NKIRAS1: variants seen among roughly 807,000 people sequenced by gnomAD.
NKIRAS1 encodes the protein NFKB inhibitor interacting Ras like 1.
Under a neutral mutation model 19.8 loss-of-function variants are expected in NKIRAS1, and 16 were observed. The observed-to-expected ratio is 0.81, with a 90% confidence interval of 0.55 to 1.23. NKIRAS1 has a LOEUF of 1.23. Among genes scored for constraint, NKIRAS1 ranks in the 50% most tolerant of loss-of-function variants. The probability of loss-of-function intolerance (pLI) is 0.00; values close to 1 mark genes in which losing one functional copy is unlikely to be tolerated. For synonymous variants in NKIRAS1, 88 were observed against 79.0 expected, an observed-to-expected ratio of 1.11 and a Z score of -0.61; for missense variants, 184 against 220.0, an observed-to-expected ratio of 0.84 and a Z score of 1.04.
At chr3:23,929,374 T>C (rs571563272) in intron 1 of NKIRAS1, among the ~76,000 whole-genome samples, 24 of 152,046 alleles carry the variant, frequency 1.6e-4, no homozygotes, top group Admixed American at 6.6e-5. Context: ...AAAAAATAAA[T>C]AAATAAAATA....
intron 1 of NKIRAS1, among the ~76,000 whole-genome samples, chr3:23,931,786 T>G (rs1705322262): frequency 6.6e-6 from 1 of 152,076 alleles, no homozygotes; most frequent in Non-Finnish European, 1.5e-5. Context: ...CAAAGGGTCA[T>G]GAGACCCAAA....
At chr3:23,910,742 A>T in intron 3 of NKIRAS1, 69 bp downstream of exon 3, 1 of 1,109,076 alleles carries the variant, frequency 9.0e-7, no homozygotes, top group Non-Finnish European at 1.4e-6. Context: ...CCTTTAGTTT[A>T]GCATGACCAA....
chr3:23,921,617 C>G (rs1429432174), upstream of NKIRAS1: 11 of 534,998 alleles, frequency 2.1e-5, no homozygotes, highest in African/African-American at 1.9e-4. Flanking sequence ...CACTCTCACT[C>G]AGGTGGGAGT....
intron 3 of NKIRAS1, among the ~76,000 whole-genome samples, chr3:23,908,759 TC>T (rs1276181217): frequency 6.6e-6 from 1 of 151,944 alleles, no homozygotes; most frequent in Non-Finnish European, 1.5e-5. Flanking sequence ...AGCCTCAACC[TC>T]CCATGTGATT....
At chr3:23,918,749 C>A (rs1236182029), upstream of NKIRAS1, 2 of 765,922 alleles carry the variant, frequency 2.6e-6, no homozygotes, top group South Asian at 1.9e-5. Context: ...GTCTTTGTTA[C>A]AAATGCGTGT....
chr3:23,906,925 G>T (rs1019210358), intron 3 of NKIRAS1, among the ~76,000 whole-genome samples: 43 of 151,578 alleles, frequency 2.8e-4, no homozygotes, highest in Non-Finnish European at 8.8e-5. Flanking sequence ...ATACAGTCTC[G>T]CTCTGTTGCC....
intron 1 of NKIRAS1, among the ~76,000 whole-genome samples, chr3:23,928,619 T>A (rs2125265177): frequency 6.6e-6 from 1 of 151,114 alleles, no homozygotes; most frequent in South Asian, 2.1e-4. Flanking sequence ...GAAGTGCTTT[T>A]AGGAGAAACC....
Position 23,903,851 on chromosome 3 carries a change from T to TA in NKIRAS1, c.95-2803dup, listed in dbSNP as rs1702755981. ...GCATTTCCATATAGAAGGGGCCCTC[T>TA]AAGTGTCCAATACAGTAAATGAAAA... On this transcript the variant is annotated intron_variant, in intron 3 of 4. Coordinates refer to ENST00000425478, the MANE Select transcript of NKIRAS1 (RefSeq NM_020345.4). 2.0e-5 allele frequency among the ~76,000 whole-genome samples: 3 copies of TA among 152,064 alleles called. No individual in the cohort carries two copies. In the South Asian group the frequency reaches 6.2e-4, roughly 32 times the overall value.
chr3:23,920,794 A>C (rs1384275898), upstream of NKIRAS1: 1 of 961,790 alleles, frequency 1.0e-6, no homozygotes, highest in South Asian at 4.8e-5. Flanking sequence ...ATACATTTTA[A>C]TTGTGTAGAG....
At chr3:23,898,442 ATTT>A (rs749239072) in intron 4 of NKIRAS1, among the ~76,000 whole-genome samples, 1 of 139,670 alleles carries the variant, frequency 7.2e-6, no homozygotes. Context: ...ATATTGTATG[ATTT>A]TTTTTTTTTT....
chr3:23,925,124 A>G (rs937143076), intron 1 of NKIRAS1, among the ~76,000 whole-genome samples: 3 of 152,202 alleles, frequency 2.0e-5, no homozygotes, highest in Non-Finnish European at 4.4e-5. Flanking sequence ...AGTGCTTGGA[A>G]GGAGAGAGAG....
rs1701604654 is a variant in NKIRAS1 at position 23,893,203 on chromosome 3, C to G, written c.471G>C (p.Leu157=). The G allele has an allele frequency of 6.2e-7, 1 of 1,613,840 alleles. No individual in the cohort carries two copies. The highest frequency in any genetic ancestry group is 1.3e-5 in the African/African-American group (1 of 74,898). The change falls in exon 5 of 5, where the codon CTG becomes CTC. Residue 157 remains leucine, a synonymous_variant. Transcript: ENST00000425478. ...WEVTVTDRKT[L]IEPFTLLASK... is the part of the protein sequence containing the mutation. Reference sequence around the variant, plus strand: ...TGGCTAATAAAGTGAATGGTTCAATCAGAGTTTTCCGATCTGTAACAGTCA... The same window carrying G: ...TGGCTAATAAAGTGAATGGTTCAATGAGAGTTTTCCGATCTGTAACAGTCA...
intron 3 of NKIRAS1, among the ~76,000 whole-genome samples, chr3:23,909,898 C>T (rs543453979): frequency 8.4e-5 from 11 of 131,220 alleles, no homozygotes; most frequent in Non-Finnish European, 1.6e-4. Context: ...CTCGCTCTGT[C>T]GCCAGGCTGG....
upstream of NKIRAS1, chr3:23,920,301 A>G (rs913822613): frequency 4.1e-6 from 4 of 985,684 alleles, no homozygotes; most frequent in Admixed American, 1.8e-4. Context: ...CGTCATTCTT[A>G]GTCCAGTCAG....
rs762670276 is a variant in NKIRAS1, at chr3:23,900,772, T to C, written c.336+36A>G. The C allele has an allele frequency of 1.5e-5, 23 of 1,552,628 alleles. No individual in the cohort carries two copies. In the South Asian group the frequency reaches 2.2e-4, roughly 15 times the overall value. On this transcript the variant is annotated intron_variant, in intron 4 of 4. Coordinates refer to ENST00000425478, the MANE Select transcript of NKIRAS1 (RefSeq NM_020345.4). ...CTGTGCTATAATTTAAATGGTATTA[T>C]AATTCACATTTGGCATTTTTAACAT...
At position 23,891,789 on chromosome 3, in the gene NKIRAS1, A is replaced by G. The variant is rs1414689638; in HGVS notation, c.*1306T>C. ...ATAGACTAAGTTGCATTAGTAGGAAACAAAGCAAACTGGAAGGTACTTATT... is the reference window on the plus strand; with the variant it reads ...ATAGACTAAGTTGCATTAGTAGGAAGCAAAGCAAACTGGAAGGTACTTATT... On this transcript the variant is annotated 3_prime_UTR_variant, in exon 5 of 5. Transcript: ENST00000425478. 6.6e-6 allele frequency: 1 copy of G among 152,254 alleles called. No homozygotes were observed. The highest frequency in any genetic ancestry group is 2.4e-5 in the African/African-American group (1 of 41,468). 9.4% of individuals were successfully genotyped at this position (152,254 alleles called of 1,614,324 possible). A position where few individuals can be genotyped will look rare whatever the true frequency, so the allele number is the denominator to read the frequency against.
upstream of NKIRAS1, chr3:23,920,529 A>T (rs979072972): frequency 1.0e-6 from 1 of 985,206 alleles, no homozygotes; most frequent in Non-Finnish European, 1.2e-6. Context: ...TGTTTGCACC[A>T]TGTCTTCCAG....
At chr3:23,946,093 G>A in intron 1 of NKIRAS1, 5 of 984,760 alleles carry the variant, frequency 5.1e-6, no homozygotes, top group Non-Finnish European at 6.0e-6. Context: ...CCCTTTGGAA[G>A]CCTCGGGGCA....
chr3:23,905,596 T>C (rs962944978), intron 3 of NKIRAS1, among the ~76,000 whole-genome samples: 7 of 152,020 alleles, frequency 4.6e-5, no homozygotes, highest in Admixed American at 6.6e-5. Flanking sequence ...TATGTAATCA[T>C]AGAAACAGGA....
Sources: allele counts gnomAD v4.1 joint callset (sites outside exome capture counted in the v4.1 genomes callset), GRCh38; gene constraint gnomAD v4.1.1; transcripts MANE v1.5; gene names NCBI Gene and HGNC (gene_info 2026-07-23, HGNC 2026-07-21).